The following CCSER2 variants were observed in gnomAD, a reference collection of about 807,000 sequenced individuals.
The protein encoded by CCSER2 is coiled-coil serine rich protein 2.
A neutral mutation model predicts 92.3 loss-of-function variants in CCSER2; 46 were observed. That is an observed-to-expected ratio of 0.50 (90% CI 0.39 to 0.64). The LOEUF (loss-of-function observed/expected upper bound fraction) is 0.64, where lower values mean the gene tolerates loss of function less well. Ranked by LOEUF, CCSER2 falls within the 30% of genes least tolerant of loss-of-function variation. The probability of loss-of-function intolerance (pLI) is 0.00; values close to 1 mark genes in which losing one functional copy is unlikely to be tolerated. For synonymous variants in CCSER2, 433 were observed against 431.4 expected (o/e 1.00, Z -0.04); for missense variants, 1,244 against 1,238.9 (o/e 1.00, Z -0.06).
Position 84,373,603 on chromosome 10 carries a change from C to A in CCSER2, c.1418-16C>A. On this transcript the variant is annotated splice_polypyrimidine_tract_variant and intron_variant, in intron 2 of 9. Coordinates refer to ENST00000372088, the MANE Select transcript of CCSER2 (RefSeq NM_001284240.2). ...AATTATATTTTTGTGAATCAGTAAC[C>A]TTTTTTCTCTTGAAGACAGGAGTGA... 3 of 1,580,246 alleles carry A rather than the reference C, an allele frequency of 1.9e-6. No individual in the cohort carries two copies. Among genetic ancestry groups the A allele is most frequent in the Non-Finnish European group, 2.6e-6 (3 of 1,154,370 alleles).
chr10:84,341,039 T>TC (rs1844149581), intron 1 of CCSER2, among the ~76,000 whole-genome samples: 1 of 143,890 alleles, frequency 6.9e-6, no homozygotes, highest in African/African-American at 2.6e-5. Context: ...ATGTAACACT[T>TC]TTTTTTTTTT....
At position 84,347,440 on chromosome 10, in the gene CCSER2, C is replaced by T. The variant is rs553419537; in HGVS notation, c.-40+18632C>T. Reference sequence around the variant, plus strand: ...CCCCCCACCTCCCTCCCGGACGGGTCGGCTGGCCGGGCGGGGGCTGACCCC... The same window carrying T: ...CCCCCCACCTCCCTCCCGGACGGGTTGGCTGGCCGGGCGGGGGCTGACCCC... On this transcript the variant is annotated intron_variant, in intron 1 of 9. Transcript: ENST00000372088. Among the ~76,000 whole-genome samples, 152 of 146,978 alleles carry T rather than the reference C, an allele frequency of 1.0e-3. 1 individual carries two copies. The highest frequency in any genetic ancestry group is 3.7e-3 in the African/African-American group (148 of 39,700).
At chr10:84,378,764 G>T (rs957591573) in intron 3 of CCSER2, among the ~76,000 whole-genome samples, 1 of 152,086 alleles carries the variant, frequency 6.6e-6, no homozygotes, top group Non-Finnish European at 1.5e-5. Context: ...AAGAGATAGG[G>T]TCTGTCTCTT....
At chr10:84,334,923 G>C (rs553435716) in intron 1 of CCSER2, among the ~76,000 whole-genome samples, 1 of 152,062 alleles carries the variant, frequency 6.6e-6, no homozygotes, top group Non-Finnish European at 1.5e-5. Context: ...AGTGGGAAAG[G>C]GAAAAGAGAA....
chr10:84,426,148 G>A (rs991182647), intron 5 of CCSER2, among the ~76,000 whole-genome samples: 4 of 151,862 alleles, frequency 2.6e-5, no homozygotes, highest in African/African-American at 9.7e-5. Context: ...TTCAAGTTAT[G>A]GTATGATTTT....
chr10:84,397,126 G>T (rs1398380976), intron 3 of CCSER2, among the ~76,000 whole-genome samples: 1 of 152,098 alleles, frequency 6.6e-6, no homozygotes, highest in East Asian at 1.9e-4. Flanking sequence ...TGCTATGCAT[G>T]GTATTCTATT....
intron 6 of CCSER2, among the ~76,000 whole-genome samples, chr10:84,463,040 C>T (rs979810830): frequency 1.5e-4 from 23 of 152,270 alleles, no homozygotes; most frequent in Middle Eastern, 3.4e-3. Context: ...CAAGGTAGCA[C>T]GTCATCCAGT....
intron 9 of CCSER2, among the ~76,000 whole-genome samples, chr10:84,506,082 G>C (rs765342225): frequency 1.3e-5 from 2 of 150,958 alleles, no homozygotes; most frequent in Non-Finnish European, 2.9e-5. Flanking sequence ...AATCATCTAA[G>C]AGTGATTGTG....
intron 1 of CCSER2, among the ~76,000 whole-genome samples, chr10:84,348,208 C>A (rs891765687): frequency 6.6e-6 from 1 of 152,226 alleles, no homozygotes; most frequent in South Asian, 2.1e-4. Flanking sequence ...CCCAGCACCT[C>A]GGGAGGCCGA....
intron 8 of CCSER2, among the ~76,000 whole-genome samples, chr10:84,473,328 T>TTTACAAATTGCAGAGGCTGCTG (rs1262417147): frequency 2.6e-5 from 4 of 152,296 alleles, no homozygotes; most frequent in Non-Finnish European, 4.4e-5. Flanking sequence ...CATTAGCATG[T>TTTACAAATTGCAGAGGCTGCTG]TTACAAATTG....
At chr10:84,374,520 GC>G (rs1418028969) in intron 3 of CCSER2, among the ~76,000 whole-genome samples, 13 of 152,106 alleles carry the variant, frequency 8.5e-5, no homozygotes, top group African/African-American at 3.1e-4. Context: ...GCATTGGCCT[GC>G]AGGCAACACT....
chr10:84,401,397 A>G (rs1246852558), intron 3 of CCSER2, among the ~76,000 whole-genome samples: 1 of 152,218 alleles, frequency 6.6e-6, no homozygotes, highest in East Asian at 1.9e-4. Flanking sequence ...TAAAAAGATA[A>G]TGAGAGAAAA....
intron 4 of CCSER2, among the ~76,000 whole-genome samples, chr10:84,418,867 A>T (rs749669819): frequency 6.6e-6 from 1 of 152,192 alleles, no homozygotes; most frequent in Non-Finnish European, 1.5e-5. Flanking sequence ...AGCTCAGGCT[A>T]TGGGACTAGC....
chr10:84,458,039 G>A (rs2133636455), intron 6 of CCSER2, among the ~76,000 whole-genome samples: 1 of 152,110 alleles, frequency 6.6e-6, no homozygotes, highest in South Asian at 2.1e-4. Context: ...GAGAGCAAAA[G>A]TTCTGCTCTT....
chr10:84,405,123 A>G (rs554760386), intron 3 of CCSER2, among the ~76,000 whole-genome samples: 31 of 152,342 alleles, frequency 2.0e-4, no homozygotes, highest in African/African-American at 7.5e-4. Flanking sequence ...AGGGACAGTC[A>G]GGTAAATCAA....
At chr10:84,378,202 A>G (rs1846442301) in intron 3 of CCSER2, among the ~76,000 whole-genome samples, 1 of 151,998 alleles carries the variant, frequency 6.6e-6, no homozygotes, top group East Asian at 1.9e-4. Flanking sequence ...TGTTTGCTGA[A>G]TTTTTGTTGT....
At chr10:84,457,361 TTATTTTAAA>T (rs1845783179) in intron 6 of CCSER2, among the ~76,000 whole-genome samples, 1 of 37,100 alleles carries the variant, frequency 2.7e-5, no homozygotes, top group Non-Finnish European at 7.5e-5. Context: ...ATATATATAT[TTATTTTAAA>T]TATATATTTT....
intron 9 of CCSER2, among the ~76,000 whole-genome samples, chr10:84,489,685 CTT>C (rs1371635640): frequency 6.6e-6 from 1 of 152,120 alleles, no homozygotes; most frequent in Non-Finnish European, 1.5e-5. Context: ...GGTCTTGACT[CTT>C]TATCCAATTT....
chr10:84,435,254 G>A (rs1157879266), intron 5 of CCSER2, among the ~76,000 whole-genome samples: 2 of 152,146 alleles, frequency 1.3e-5, no homozygotes, highest in Non-Finnish European at 2.9e-5. Context: ...CTAAATCTGA[G>A]GTGAGAGGTG....
Sources: gnomAD v4.1 joint callset for allele counts (sites outside exome capture counted in the v4.1 genomes callset) on GRCh38, gnomAD v4.1.1 for gene constraint, MANE v1.5 for transcripts, NCBI Gene and HGNC (gene_info 2026-07-23, HGNC 2026-07-21) for gene names.